Variants in UGT1A10 observed in about 807,000 individuals in gnomAD.
UGT1A10 encodes the protein UDP-glucuronosyltransferase 1A10.
UGT1A10 carries 49 observed loss-of-function variants against 45.8 expected under a neutral mutation model. The observed-to-expected ratio is 1.07, with a 90% CI of 0.85 to 1.36. The LOEUF (loss-of-function observed/expected upper bound fraction) is 1.36, where lower values mean the gene tolerates loss of function less well. Ranked by LOEUF, UGT1A10 falls within the 40% of genes most tolerant of loss-of-function variation. UGT1A10 has a pLI of 0.00. For synonymous variants in UGT1A10, 284 were observed against 249.7 expected, an observed-to-expected ratio of 1.14 and a Z score of -1.29; for missense variants, 745 against 668.6, an observed-to-expected ratio of 1.11 and a Z score of -1.26.
rs71398796 is a variant in UGT1A10 at position 233,695,130 on chromosome 2, C to CTTTTTTTTT, written c.855+57759_855+57767dup. ...GCCCATTAACCAACCCTTTTCTTTT[C>CTTTTTTTTT]TTTTTTTTTTTTTTGAGACAGAGTC... is the stretch of plus-strand genomic sequence containing the variant. On this transcript the variant is annotated intron_variant, in intron 1 of 4. Transcript: ENST00000344644. 1.1e-4 allele frequency among the ~76,000 whole-genome samples: 15 copies of CTTTTTTTTT among 138,838 alleles called. 2 individuals are homozygous for CTTTTTTTTT. The highest frequency in any genetic ancestry group is 1.1e-4 in the Non-Finnish European group (7 of 64,552). 91.1% of individuals were successfully genotyped at this position (138,838 alleles called of 152,430 possible). A position where few individuals can be genotyped will look rare whatever the true frequency, so the allele number is the denominator to read the frequency against.
intron 1 of UGT1A10, among the ~76,000 whole-genome samples, chr2:233,722,564 C>G (rs2077023248): frequency 6.6e-6 from 1 of 152,184 alleles, no homozygotes; most frequent in Non-Finnish European, 1.5e-5. Flanking sequence ...TGATTTGTAG[C>G]TGCTTTTGCA....
chr2:233,695,740 C>T (rs1326853599), intron 1 of UGT1A10, among the ~76,000 whole-genome samples: 2 of 152,142 alleles, frequency 1.3e-5, no homozygotes, highest in African/African-American at 4.8e-5. Context: ...TGTTGCTGCA[C>T]ATGACAGGTC....
Position 233,768,378 on chromosome 2 carries a change from G to T in UGT1A10, c.1234G>T (p.Val412Phe). 6.2e-7 allele frequency: 1 copy of T among 1,614,156 alleles called. No homozygotes were observed. The highest frequency in any genetic ancestry group is 1.1e-5 in the South Asian group (1 of 91,088). ...ETKGAGVTLNVLEMTSEDLEN... is the reference protein window; with the variant it reads ...ETKGAGVTLNFLEMTSEDLEN... ...TAAGGGAGCTGGAGTGACCCTGAAT[G>T]TTCTGGAAATGACTTCTGAAGATTT... Residue 412 changes from valine (V) to phenylalanine (F), a missense_variant, in exon 4 of 5, where the codon GTT (valine) becomes TTT (phenylalanine). Transcript: ENST00000344644.
chr2:233,650,170 A>G (rs1279406882), intron 1 of UGT1A10, among the ~76,000 whole-genome samples: 2 of 152,068 alleles, frequency 1.3e-5, no homozygotes, highest in Non-Finnish European at 2.9e-5. Flanking sequence ...GGGTTTCTCC[A>G]TGTTGGTCAG....
At chr2:233,730,838 T>G (rs2078079443) in intron 1 of UGT1A10, among the ~76,000 whole-genome samples, 1 of 152,124 alleles carries the variant, frequency 6.6e-6, no homozygotes, top group Admixed American at 6.5e-5. Context: ...CAGGAGAGGC[T>G]CATCACATCA....
At chr2:233,717,819 G>T in intron 1 of UGT1A10, 1 of 455,582 alleles carries the variant, frequency 2.2e-6, no homozygotes, top group Non-Finnish European at 4.4e-6. Flanking sequence ...TATGCAGCCC[G>T]TTCTGTTCTG....
intron 1 of UGT1A10, among the ~76,000 whole-genome samples, chr2:233,683,145 G>A (rs1309929091): frequency 1.3e-5 from 2 of 151,972 alleles, no homozygotes; most frequent in Non-Finnish European, 2.9e-5. Flanking sequence ...TGTGTGAATT[G>A]TTTTCAATTT....
At chr2:233,639,746 T>C (rs2073398993) in intron 1 of UGT1A10, among the ~76,000 whole-genome samples, 1 of 152,214 alleles carries the variant, frequency 6.6e-6, no homozygotes, top group Non-Finnish European at 1.5e-5. Flanking sequence ...TTAACAATGA[T>C]GGCAGATGGC....
intron 1 of UGT1A10, among the ~76,000 whole-genome samples, chr2:233,745,945 G>C (rs1693257711): frequency 6.6e-6 from 1 of 151,628 alleles, no homozygotes; most frequent in Non-Finnish European, 1.5e-5. Context: ...CTGGGGGTTG[G>C]GCAACTGGGG....
intron 1 of UGT1A10, among the ~76,000 whole-genome samples, chr2:233,657,837 A>G (rs1401933786): frequency 6.6e-6 from 1 of 152,120 alleles, no homozygotes; most frequent in Non-Finnish European, 1.5e-5. Flanking sequence ...ACTTTTTAAG[A>G]AATTGGGTTT....
chr2:233,704,010 C>A (rs945281801), intron 1 of UGT1A10, among the ~76,000 whole-genome samples: 1 of 152,084 alleles, frequency 6.6e-6, no homozygotes, highest in Non-Finnish European at 1.5e-5. Flanking sequence ...CCCACCTCAG[C>A]CGCCCGAGCA....
chr2:233,684,037 C>T (rs45511895), intron 1 of UGT1A10, among the ~76,000 whole-genome samples: 4 of 152,108 alleles, frequency 2.6e-5, no homozygotes, highest in African/African-American at 9.7e-5. Flanking sequence ...GTTGCTAAAT[C>T]CAGGTGAAAC....
At chr2:233,693,891 T>G (rs1489359019) in intron 1 of UGT1A10, 2 of 1,613,928 alleles carry the variant, frequency 1.2e-6, no homozygotes, top group African/African-American at 2.7e-5. Flanking sequence ...TCTTTTGGAC[T>G]GCCTTGTTTC....
At chr2:233,692,808 G>T in intron 1 of UGT1A10, 2 of 1,410,854 alleles carry the variant, frequency 1.4e-6, no homozygotes, top group South Asian at 1.5e-5. Flanking sequence ...GGCCATAGTT[G>T]GTTCATATTA....
At chr2:233,716,018 G>C (rs2076483229) in intron 1 of UGT1A10, among the ~76,000 whole-genome samples, 1 of 152,128 alleles carries the variant, frequency 6.6e-6, no homozygotes, top group Non-Finnish European at 1.5e-5. Flanking sequence ...TAATCTGATA[G>C]TTTCTTTTGA....
In UGT1A10 at chr2:233,772,321, T is replaced by C; in HGVS notation, c.1355T>C (p.Leu452Pro). 1 of 1,614,248 alleles carries C rather than the reference T, an allele frequency of 6.2e-7. No homozygotes were observed. The highest frequency in any genetic ancestry group is 8.5e-7 in the Non-Finnish European group (1 of 1,180,036). ...CACAAGGACCGCCCGGTGGAGCCGC[T>C]GGACCTGGCCGTGTTCTGGGTGGAG... is the stretch of plus-strand genomic sequence containing the variant. Reference protein sequence around the residue: ...SLHKDRPVEPLDLAVFWVEFV... With the variant: ...SLHKDRPVEPPDLAVFWVEFV... Residue 452 changes from leucine to proline, a missense_variant, in exon 5 of 5, where the codon CTG (leucine) becomes CCG (proline). By Grantham distance (98) the Leu-to-Pro change is moderately conservative. Coordinates refer to ENST00000344644, the MANE Select transcript of UGT1A10 (RefSeq NM_019075.4).
chr2:233,713,434 T>A lies in UGT1A10; in HGVS notation c.856-53600T>A. ...CACCTGCATGCTACTTCCTTTGATG[T>A]GGTTCTAACAGACCCCTTTCACCTC... On this transcript the variant is annotated intron_variant, in intron 1 of 4. Coordinates refer to ENST00000344644, the MANE Select transcript of UGT1A10 (RefSeq NM_019075.4). 4 of 1,614,196 alleles carry A rather than the reference T, an allele frequency of 2.5e-6. No homozygotes were observed. The highest frequency in any genetic ancestry group is 3.4e-6 in the Non-Finnish European group (4 of 1,180,026).
intron 1 of UGT1A10, among the ~76,000 whole-genome samples, chr2:233,695,976 G>A (rs1024119287): frequency 6.6e-6 from 1 of 152,118 alleles, no homozygotes; most frequent in African/African-American, 2.4e-5. Flanking sequence ...ATTCAGTTCT[G>A]AAGATGTCCA....
chr2:233,740,036 G>C (rs901292924), intron 1 of UGT1A10, among the ~76,000 whole-genome samples: 3 of 151,764 alleles, frequency 2.0e-5, no homozygotes, highest in Admixed American at 2.0e-4. Context: ...GGTTTTATAA[G>C]GGACTCTTTC....
Sources: gnomAD v4.1 joint callset for allele counts (sites outside exome capture counted in the v4.1 genomes callset) on GRCh38, gnomAD v4.1.1 for gene constraint, MANE v1.5 for transcripts, NCBI Gene and HGNC (gene_info 2026-07-23, HGNC 2026-07-21) for gene names.